NAA50: variants seen among roughly 807,000 people sequenced by gnomAD.
NAA50 encodes N-alpha-acetyltransferase 50.
In NAA50, 7 loss-of-function variants were observed where a neutral mutation model predicts 20.7. That is an observed-to-expected ratio of 0.34 (90% CI 0.19 to 0.63). The LOEUF (loss-of-function observed/expected upper bound fraction) is 0.63, where lower values mean the gene tolerates loss of function less well. NAA50 is among the 30% of genes least tolerant of loss of function. The pLI, the probability that NAA50 is intolerant of heterozygous loss-of-function variation, is 0.75. For synonymous variants in NAA50, 54 were observed against 70.6 expected, an observed-to-expected ratio of 0.77 and a Z score of 1.18; for missense variants, 111 against 199.1, an observed-to-expected ratio of 0.56 and a Z score of 2.66.
At chr3:113,735,032 T>C (rs1708321662) in intron 1 of NAA50, among the ~76,000 whole-genome samples, 1 of 152,206 alleles carries the variant, frequency 6.6e-6, no homozygotes, top group Non-Finnish European at 1.5e-5. Flanking sequence ...CACATTGCTT[T>C]GACAGCTATT....
chr3:113,728,865 T>C (rs1383665109), intron 1 of NAA50, among the ~76,000 whole-genome samples: 1 of 152,240 alleles, frequency 6.6e-6, no homozygotes, highest in African/African-American at 2.4e-5. Context: ...AAATCTGCTT[T>C]GCTTGCAGTT....
In NAA50 at chr3:113,744,292, G is replaced by A. The variant is rs186632122; in HGVS notation, c.8+1650C>T. Among the ~76,000 whole-genome samples, 403 of 151,942 alleles carry A rather than the reference G, an allele frequency of 2.7e-3. 2 individuals are homozygous for A. The highest frequency in any genetic ancestry group is 9.2e-3 in the African/African-American group (382 of 41,448). On this transcript the variant is annotated intron_variant, in intron 1 of 4. Coordinates refer to ENST00000240922, the MANE Select transcript of NAA50 (RefSeq NM_025146.4). Reference sequence around the variant, plus strand: ...GCCTGGCCAACATAGTCAGACCCCCGTCTCTACAAAATATACAAAAAATTA... The same window carrying A: ...GCCTGGCCAACATAGTCAGACCCCCATCTCTACAAAATATACAAAAAATTA...
At chr3:113,730,169 C>A (rs377467566) in intron 1 of NAA50, among the ~76,000 whole-genome samples, 24 of 152,074 alleles carry the variant, frequency 1.6e-4, no homozygotes, top group Non-Finnish European at 2.8e-4. Flanking sequence ...GGTGTGGTGG[C>A]GCGTGCCTTT....
intron 4 of NAA50, among the ~76,000 whole-genome samples, 158 bp from the exon 5 acceptor site, chr3:113,722,095 AATT>A (rs1350710620): frequency 6.6e-6 from 1 of 152,188 alleles, no homozygotes; most frequent in Non-Finnish European, 1.5e-5. Flanking sequence ...TTTTGATGAC[AATT>A]TTACACTTTT....
chr3:113,746,144 C>G lies in NAA50; in HGVS notation c.-195G>C. 1 of 601,726 alleles carries G rather than the reference C, an allele frequency of 1.7e-6. No homozygotes were observed. The highest frequency in any genetic ancestry group is 2.8e-6 in the Non-Finnish European group (1 of 361,708). The allele number at this position is 601,726 out of a possible 1,614,324, so 37.3% of individuals were successfully genotyped here. ...GAGTCTGGTGGGGGCGGGAGTGTCT[C>G]CCGCCGCCGCGCTTGTGCCGCCGCT... On this transcript the variant is annotated 5_prime_UTR_variant, in exon 1 of 5. Coordinates refer to ENST00000240922, the MANE Select transcript of NAA50 (RefSeq NM_025146.4).
chr3:113,730,608 C>G (rs768854205), intron 1 of NAA50, among the ~76,000 whole-genome samples: 5 of 152,182 alleles, frequency 3.3e-5, no homozygotes, highest in Non-Finnish European at 7.3e-5. Context: ...CTTTAAAGTT[C>G]AACTCCCAAG....
At chr3:113,735,470 G>A (rs1708329571) in intron 1 of NAA50, among the ~76,000 whole-genome samples, 1 of 152,178 alleles carries the variant, frequency 6.6e-6, no homozygotes, top group Non-Finnish European at 1.5e-5. Context: ...GGCTAAGGAT[G>A]GGCATAGAGA....
At chr3:113,744,176 T>G (rs1458069114) in intron 1 of NAA50, among the ~76,000 whole-genome samples, 1 of 152,038 alleles carries the variant, frequency 6.6e-6, no homozygotes, top group Non-Finnish European at 1.5e-5. Context: ...AGAAGTGCAG[T>G]ATATGCCGCG....
chr3:113,724,593 C>A (rs1175941484), intron 1 of NAA50: 1 of 152,110 alleles, frequency 6.6e-6, no homozygotes, highest in East Asian at 1.9e-4. Context: ...ATACACATAC[C>A]CCATTTTCAG....
In NAA50 at chr3:113,723,950, A is replaced by T. The variant is rs758205036; in HGVS notation, c.145+9T>A. The T allele has an allele frequency of 2.5e-6, 4 of 1,569,134 alleles. No individual in the cohort carries two copies. In the African/African-American group the frequency reaches 4.1e-5, roughly 16 times the overall value. On this transcript the variant is annotated intron_variant, in intron 2 of 4. Transcript: ENST00000240922. Reference sequence around the variant, plus strand: ...AAGAAGGGAGGACAAAAAAAAAACTATATTATACCAAGTTTTGCTAGCTCG... The same window carrying T: ...AAGAAGGGAGGACAAAAAAAAAACTTTATTATACCAAGTTTTGCTAGCTCG...
intron 1 of NAA50, among the ~76,000 whole-genome samples, chr3:113,725,878 T>C (rs904676646): frequency 6.6e-6 from 1 of 152,246 alleles, no homozygotes; most frequent in African/African-American, 2.4e-5. Context: ...CTCTAAGATG[T>C]ATTACTCTAT....
chr3:113,722,745 C>T (rs1451781480), intron 4 of NAA50, among the ~76,000 whole-genome samples, 161 bp downstream of exon 4: 1 of 152,026 alleles, frequency 6.6e-6, no homozygotes, highest in Non-Finnish European at 1.5e-5. Context: ...ATTAATAAAA[C>T]AAAACTAAAC....
At chr3:113,740,684 G>A (rs984045232) in intron 1 of NAA50, 14 of 163,816 alleles carry the variant, frequency 8.5e-5, no homozygotes, top group Non-Finnish European at 6.6e-5. Context: ...CTGAGAATCC[G>A]AGCTTTCACA....
At position 113,721,844 on chromosome 3, in the gene NAA50, T is replaced by C; in HGVS notation, c.426A>G (p.Ile142Met). Residue 142 changes from isoleucine (I) to methionine (M), a missense_variant, in exon 5 of 5, where the codon ATA (isoleucine) becomes ATG (methionine). Ile to Met is a conservative substitution (Grantham distance 10). Coordinates refer to ENST00000240922, the MANE Select transcript of NAA50 (RefSeq NM_025146.4). ...IETKKNYYKR[I>M]EPADAHVLQK... The stretch of plus-strand genomic sequence containing the variant: ...GCAGCACATGAGCATCTGCGGGCTC[T>C]ATCCTCTTATAGTAGTTCTTCTTTG... 1 of 1,613,980 alleles carries C rather than the reference T, an allele frequency of 6.2e-7. No individual in the cohort carries two copies. Among genetic ancestry groups the C allele is most frequent in the South Asian group, 1.1e-5 (1 of 91,072 alleles).
chr3:113,722,918 T>C lies in NAA50; in HGVS notation c.320A>G (p.Asp107Gly). Residue 107 changes from aspartate to glycine, a missense_variant, in exon 4 of 5, where the codon GAC (aspartate) becomes GGC (glycine). Physicochemically the swap from Asp to Gly is moderately conservative, Grantham distance 94. Coordinates refer to ENST00000240922, the MANE Select transcript of NAA50 (RefSeq NM_025146.4). The part of the protein sequence containing the change: ...LNICEKDGTF[D>G]NIYLHVQISN... ...TTATTTTACTTACAGATAAATGTTG[T>C]CAAAAGTACCATCTTTTTCACAGAT... 6.5e-7 allele frequency: 1 copy of C among 1,537,962 alleles called. No individual in the cohort carries two copies. The highest frequency in any genetic ancestry group is 8.8e-7 in the Non-Finnish European group (1 of 1,131,654).
In NAA50 at chr3:113,744,538, G is replaced by C. The variant is rs12489192; in HGVS notation, c.8+1404C>G. On this transcript the variant is annotated intron_variant, in intron 1 of 4. Transcript: ENST00000240922. ...CAGAAAAACAACATTCTCCAAATAT[G>C]TTGGATTGTATCTGAAATAGCCAAA... Among the ~76,000 whole-genome samples the C allele has an allele frequency of 4.6e-3, 696 of 151,980 alleles. 15 individuals are homozygous for C. The highest frequency in any genetic ancestry group is 0.034 in the Admixed American group (514 of 15,262).
chr3:113,723,576 A>G, intron 2 of NAA50, 35 bp from the exon 3 acceptor site: 1 of 1,574,118 alleles, frequency 6.4e-7, no homozygotes, highest in African/African-American at 1.4e-5. Context: ...AATGTTGAAC[A>G]GACAGAATAA....
Position 113,717,320 on chromosome 3 carries a change from C to G in NAA50, c.*4440G>C, listed in dbSNP as rs1310365506. On this transcript the variant is annotated 3_prime_UTR_variant, in exon 5 of 5. Coordinates refer to ENST00000240922, the MANE Select transcript of NAA50 (RefSeq NM_025146.4). ...CTGCACTCCAGCCTGGGCGACAGAG[C>G]GAGACTCTGTCTCCAAAACAAAAAC... is the stretch of plus-strand genomic sequence containing the variant. The G allele has an allele frequency of 6.6e-6, 1 of 152,136 alleles. No homozygotes were observed. The highest frequency in any genetic ancestry group is 1.9e-4 in the East Asian group (1 of 5,192). The allele number at this position is 152,136 out of a possible 1,614,324, so 9.4% of individuals were successfully genotyped here. A position where few individuals can be genotyped will look rare whatever the true frequency, so the allele number is the denominator to read the frequency against.
At chr3:113,729,402 G>A (rs1708241864) in intron 1 of NAA50, among the ~76,000 whole-genome samples, 1 of 151,990 alleles carries the variant, frequency 6.6e-6, no homozygotes, top group Non-Finnish European at 1.5e-5. Flanking sequence ...AAAGCTTCAG[G>A]TATTTTCAAA....
Sources: allele counts gnomAD v4.1 joint callset (sites outside exome capture counted in the v4.1 genomes callset), GRCh38; gene constraint gnomAD v4.1.1; transcripts MANE v1.5; gene names NCBI Gene and HGNC (gene_info 2026-07-23, HGNC 2026-07-21).